The following NXPH1 variants were observed in gnomAD, a reference collection of about 807,000 sequenced individuals.
NXPH1 encodes the protein neurexophilin 1.
Under a neutral mutation model 23.7 loss-of-function variants are expected in NXPH1, and 5 were observed. That is an observed-to-expected ratio of 0.21 (90% CI 0.11 to 0.44). The LOEUF is 0.44. Among genes scored for constraint, NXPH1 ranks in the 20% least tolerant of loss-of-function variants. NXPH1 has a pLI of 0.99. For missense variants in NXPH1, 324 were observed against 321.6 expected, an observed-to-expected ratio of 1.01 and a Z score of -0.06; for synonymous variants, 144 against 122.2, an observed-to-expected ratio of 1.18 and a Z score of -1.18.
At chr7:8,463,405 G>T (rs1190738850) in intron 2 of NXPH1, among the ~76,000 whole-genome samples, 3 of 151,142 alleles carry the variant, frequency 2.0e-5, no homozygotes, top group Admixed American at 1.3e-4. Flanking sequence ...AATATAAACA[G>T]TGTTGCAATG....
chr7:8,720,028 C>G (rs895015597), intron 2 of NXPH1, among the ~76,000 whole-genome samples: 1 of 152,152 alleles, frequency 6.6e-6, no homozygotes, highest in Non-Finnish European at 1.5e-5. Flanking sequence ...CCTTGAGTGT[C>G]TGTATAAGCA....
intron 2 of NXPH1, among the ~76,000 whole-genome samples, chr7:8,549,977 A>G (rs112750126): frequency 0.014 from 2,051 of 151,684 alleles, 41 homozygotes; most frequent in African/African-American, 0.047. Context: ...TTGAACCCAC[A>G]GAATGCAAGT....
chr7:8,635,504 T>C (rs1241800616), intron 2 of NXPH1, among the ~76,000 whole-genome samples: 6 of 152,182 alleles, frequency 3.9e-5, no homozygotes, highest in Non-Finnish European at 1.5e-5. Context: ...TTTCCTCCAT[T>C]ATCAAGACCA....
chr7:8,447,366 A>T (rs1816423363), intron 2 of NXPH1, among the ~76,000 whole-genome samples: 1 of 152,254 alleles, frequency 6.6e-6, no homozygotes, highest in Non-Finnish European at 1.5e-5. Context: ...GAAGTTATTC[A>T]TGCATGGTCA....
At chr7:8,668,166 G>A (rs10262137) in intron 2 of NXPH1, among the ~76,000 whole-genome samples, 9,869 of 149,846 alleles carry the variant, frequency 0.066, 698 homozygotes, top group East Asian at 0.25. Context: ...TAATTATTTT[G>A]AATTATTTGT....
At chr7:8,498,001 T>C (rs1334918600) in intron 2 of NXPH1, among the ~76,000 whole-genome samples, 3 of 152,066 alleles carry the variant, frequency 2.0e-5, no homozygotes, top group African/African-American at 7.2e-5. Flanking sequence ...GATTTTAACC[T>C]GTTTCCTTAT....
intron 2 of NXPH1, among the ~76,000 whole-genome samples, chr7:8,710,702 C>T (rs1186279153): frequency 5.9e-5 from 6 of 102,468 alleles, no homozygotes; most frequent in Non-Finnish European, 8.6e-5. Flanking sequence ...GTCGCCCAGG[C>T]CGGACTGCGG....
At chr7:8,672,102 A>G (rs1178431936) in intron 2 of NXPH1, among the ~76,000 whole-genome samples, 1 of 152,128 alleles carries the variant, frequency 6.6e-6, no homozygotes, top group East Asian at 1.9e-4. Flanking sequence ...TCTTTAGTTT[A>G]ATAAGAAAAT....
At chr7:8,646,260 T>C (rs1820398648) in intron 2 of NXPH1, among the ~76,000 whole-genome samples, 2 of 152,150 alleles carry the variant, frequency 1.3e-5, no homozygotes, top group South Asian at 4.1e-4. Context: ...AATGAACTTA[T>C]TAGAGATACA....
chr7:8,701,808 A>G lies in NXPH1; in HGVS notation c.55-49200A>G, dbSNP rs189418516. ...TTAGAAAGATTCTTCAGTTTAATTC[A>G]GCAGAACCAAAATTCTAAAAATAAT... On this transcript the variant is annotated intron_variant, in intron 2 of 2. Transcript: ENST00000405863. 4.6e-5 allele frequency among the ~76,000 whole-genome samples: 7 copies of G among 152,238 alleles called. 1 individual carries two copies. The East Asian group carries it at 1.3e-3, about 29-fold the overall frequency.
At chr7:8,571,106 T>C (rs1818638926) in intron 2 of NXPH1, among the ~76,000 whole-genome samples, 2 of 151,736 alleles carry the variant, frequency 1.3e-5, no homozygotes. Flanking sequence ...GAATTCCTGG[T>C]CCCACTTAGA....
At chr7:8,616,492 T>C (rs1309795461) in intron 2 of NXPH1, among the ~76,000 whole-genome samples, 1 of 151,984 alleles carries the variant, frequency 6.6e-6, no homozygotes, top group Non-Finnish European at 1.5e-5. Flanking sequence ...GATCAGGAGG[T>C]TATGTTTACT....
chr7:8,743,175 A>G (rs1400014611), intron 2 of NXPH1, among the ~76,000 whole-genome samples: 1 of 151,994 alleles, frequency 6.6e-6, no homozygotes, highest in Non-Finnish European at 1.5e-5. Flanking sequence ...ATGTTGCTTG[A>G]GCAATAGTTT....
At chr7:8,636,373 A>G (rs1435090560) in intron 2 of NXPH1, among the ~76,000 whole-genome samples, 1 of 152,228 alleles carries the variant, frequency 6.6e-6, no homozygotes, top group African/African-American at 2.4e-5. Flanking sequence ...GGCCTGCAAA[A>G]GTGTTCATCA....
intron 2 of NXPH1, among the ~76,000 whole-genome samples, chr7:8,581,890 C>A (rs1167646777): frequency 6.6e-6 from 1 of 152,140 alleles, no homozygotes; most frequent in South Asian, 2.1e-4. Context: ...TAGCCAGAAA[C>A]CTCTGTGGCC....
intron 2 of NXPH1, among the ~76,000 whole-genome samples, chr7:8,631,219 A>G (rs976156619): frequency 3.9e-5 from 6 of 152,190 alleles, no homozygotes; most frequent in African/African-American, 1.4e-4. Context: ...GTTATCATGA[A>G]TAGTGCTGTA....
intron 2 of NXPH1, among the ~76,000 whole-genome samples, chr7:8,480,396 G>C (rs1461559437): frequency 6.6e-6 from 1 of 152,138 alleles, no homozygotes; most frequent in African/African-American, 2.4e-5. Flanking sequence ...TCTTGAAATG[G>C]AAGGCAAATC....
chr7:8,485,940 C>A (rs146152784), intron 2 of NXPH1, among the ~76,000 whole-genome samples: 3 of 152,270 alleles, frequency 2.0e-5, no homozygotes, highest in African/African-American at 7.2e-5. Flanking sequence ...TGGTGTTCAT[C>A]TGGCATTGAC....
At chr7:8,677,914 T>C (rs970280206) in intron 2 of NXPH1, among the ~76,000 whole-genome samples, 6 of 151,414 alleles carry the variant, frequency 4.0e-5, no homozygotes, top group African/African-American at 1.5e-4. Flanking sequence ...GCCCAAAGAA[T>C]TAGTGTTTAC....
Sources: gnomAD v4.1 joint callset for allele counts (sites outside exome capture counted in the v4.1 genomes callset) on GRCh38, gnomAD v4.1.1 for gene constraint, MANE v1.5 for transcripts, NCBI Gene and HGNC (gene_info 2026-07-23, HGNC 2026-07-21) for gene names.